The following HMCN1 variants were observed in gnomAD, a reference collection of about 807,000 sequenced individuals.
The protein encoded by HMCN1 is hemicentin 1, also known as hemicentin-1.
Under a neutral mutation model 625.9 loss-of-function variants are expected in HMCN1, and 321 were observed. That is an observed-to-expected ratio of 0.51 (90% CI 0.47 to 0.56). HMCN1 has a LOEUF of 0.56. Ranked by LOEUF, HMCN1 falls within the 20% of genes least tolerant of loss-of-function variation. The probability of loss-of-function intolerance (pLI) is 0.00; values close to 1 mark genes in which losing one functional copy is unlikely to be tolerated. For synonymous variants in HMCN1, 2,425 were observed against 2,417.6 expected, an observed-to-expected ratio of 1.00 and a Z score of -0.09; for missense variants, 6,588 against 6,887.3, an observed-to-expected ratio of 0.96 and a Z score of 1.54.
intron 49 of HMCN1, among the ~76,000 whole-genome samples, chr1:186,065,776 G>A (rs1003873108): frequency 1.3e-5 from 2 of 152,104 alleles, no homozygotes; most frequent in African/African-American, 4.8e-5. Context: ...GTGAGACTTA[G>A]CCATTATTGG....
chr1:186,019,986 G>A (rs2102152817), intron 35 of HMCN1, among the ~76,000 whole-genome samples: 1 of 152,052 alleles, frequency 6.6e-6, no homozygotes, highest in Admixed American at 6.6e-5. Flanking sequence ...GTGTCTCACA[G>A]ATGAATGATG....
Position 185,956,683 on chromosome 1 carries a change from G to A in HMCN1, c.1829-5835G>A, listed in dbSNP as rs183563481. 6.6e-5 allele frequency among the ~76,000 whole-genome samples: 10 copies of A among 151,960 alleles called. No homozygotes were observed. The East Asian group carries it at 1.9e-3, about 29-fold the overall frequency. On this transcript the variant is annotated intron_variant, in intron 11 of 106. Coordinates refer to ENST00000271588, the MANE Select transcript of HMCN1 (RefSeq NM_031935.3). ...CTGTAGACATGATTGATTACATCAC[G>A]GGCCATCAGTGATCATCGCTGCCTT...
chr1:185,836,629 G>C (rs972616020), intron 1 of HMCN1, among the ~76,000 whole-genome samples: 1 of 152,072 alleles, frequency 6.6e-6, no homozygotes, highest in Non-Finnish European at 1.5e-5. Context: ...TTTATCATAA[G>C]GTACTTTTGT....
At chr1:185,851,657 T>G (rs1262809559) in intron 2 of HMCN1, among the ~76,000 whole-genome samples, 1 of 152,128 alleles carries the variant, frequency 6.6e-6, no homozygotes, top group Non-Finnish European at 1.5e-5. Flanking sequence ...GTGCAAAGCC[T>G]TGCTTTGGGA....
chr1:185,826,998 AACCTTGTCTCT>A (rs1660556255), intron 1 of HMCN1, among the ~76,000 whole-genome samples: 1 of 151,930 alleles, frequency 6.6e-6, no homozygotes, highest in African/African-American at 2.4e-5. Context: ...GACACAGTGA[AACCTTGTCTCT>A]ACTAAAAATA....
chr1:185,898,470 CT>C (rs139267865), intron 4 of HMCN1, among the ~76,000 whole-genome samples: 243 of 151,362 alleles, frequency 1.6e-3, no homozygotes, highest in African/African-American at 5.7e-3. Context: ...TGTAAGCAGA[CT>C]TTTTTTTTAA....
At chr1:186,161,026 A>T (rs866622349) in intron 97 of HMCN1, among the ~76,000 whole-genome samples, 1 of 152,168 alleles carries the variant, frequency 6.6e-6, no homozygotes, top group African/African-American at 2.4e-5. Flanking sequence ...GGGGTGTTAA[A>T]GTCTCCCATT....
intron 100 of HMCN1, 27 bp downstream of exon 100, chr1:186,166,969 T>C (rs780636391): frequency 1.9e-6 from 3 of 1,614,002 alleles, no homozygotes; most frequent in South Asian, 1.1e-5. Flanking sequence ...CTTTTCTTTA[T>C]GTTCATGACA....
chr1:185,958,915 C>T (rs550270807), intron 11 of HMCN1, among the ~76,000 whole-genome samples: 4 of 152,136 alleles, frequency 2.6e-5, no homozygotes, highest in Non-Finnish European at 4.4e-5. Flanking sequence ...AGGAAAGCAC[C>T]ACTTTCCTAT....
chr1:185,860,594 G>A (rs532189567), intron 2 of HMCN1, among the ~76,000 whole-genome samples: 10 of 152,220 alleles, frequency 6.6e-5, no homozygotes, highest in Admixed American at 5.2e-4. Flanking sequence ...ACAGGCATGC[G>A]CTACCATGCC....
chr1:186,011,917 T>C lies in HMCN1; in HGVS notation c.4631-3242T>C, dbSNP rs147700347. Among the ~76,000 whole-genome samples the C allele has an allele frequency of 1.4e-4, 22 of 152,320 alleles. No homozygotes were observed. In the East Asian group the frequency reaches 4.2e-3, roughly 29 times the overall value. ...AATAAGAGTGTTTAAGAATGATTCT[T>C]TTCATTCAGAAAGAAGTTCAGTCTC... is the stretch of plus-strand genomic sequence containing the variant. On this transcript the variant is annotated intron_variant, in intron 30 of 106. Transcript: ENST00000271588.
chr1:185,760,842 A>T (rs1214525025), intron 1 of HMCN1, among the ~76,000 whole-genome samples: 1 of 152,170 alleles, frequency 6.6e-6, no homozygotes, highest in Non-Finnish European at 1.5e-5. Flanking sequence ...TTTACAAAGT[A>T]TTACTATTAT....
chr1:185,821,485 C>G (rs1660182866), intron 1 of HMCN1, among the ~76,000 whole-genome samples: 1 of 151,938 alleles, frequency 6.6e-6, no homozygotes, highest in African/African-American at 2.4e-5. Flanking sequence ...TACTGAGTTG[C>G]CAACAGTGAT....
At chr1:186,147,996 A>G (rs1650427988) in intron 93 of HMCN1, among the ~76,000 whole-genome samples, 1 of 152,208 alleles carries the variant, frequency 6.6e-6, no homozygotes, top group Non-Finnish European at 1.5e-5. Context: ...TGTAGTGGAC[A>G]ATGCTGTTAA....
chr1:186,158,722 G>T (rs1163983468), intron 97 of HMCN1, among the ~76,000 whole-genome samples: 1 of 152,174 alleles, frequency 6.6e-6, no homozygotes, highest in African/African-American at 2.4e-5. Context: ...TTTCTGGGAG[G>T]TTTGTCAAAG....
intron 3 of HMCN1, among the ~76,000 whole-genome samples, chr1:185,865,263 A>G (rs1247915897): frequency 6.6e-6 from 1 of 152,204 alleles, no homozygotes; most frequent in African/African-American, 2.4e-5. Context: ...ATGGAAATAC[A>G]CAAGCCCTCT....
At position 186,018,338 on chromosome 1, in the gene HMCN1, A is replaced by T; in HGVS notation, c.5456A>T (p.Glu1819Val). The T allele has an allele frequency of 6.2e-7, 1 of 1,612,766 alleles. No homozygotes were observed. Among genetic ancestry groups the T allele is most frequent in the Non-Finnish European group, 8.5e-7 (1 of 1,178,984 alleles). Residue 1819 changes from glutamate to valine, a missense_variant, in exon 34 of 107, where the codon GAA (glutamate) becomes GTA (valine). Transcript: ENST00000271588. ...GCTGGAGACCACAAGAAGGAATTTG[A>T]AGTGACTGTTCATGGTATGCTGAAG... is the stretch of plus-strand genomic sequence containing the variant. ...NTAGDHKKEFEVTVHVPPTIK... is the reference protein window; with the variant it reads ...NTAGDHKKEFVVTVHVPPTIK...
chr1:185,846,809 CT>C (rs1447997217), intron 2 of HMCN1, among the ~76,000 whole-genome samples: 3 of 152,196 alleles, frequency 2.0e-5, no homozygotes, highest in Non-Finnish European at 2.9e-5. Flanking sequence ...TTCTGAGTGA[CT>C]TCAACATTTA....
chr1:186,080,711 G>A (rs1378737987), intron 55 of HMCN1, among the ~76,000 whole-genome samples: 1 of 152,124 alleles, frequency 6.6e-6, no homozygotes, highest in Non-Finnish European at 1.5e-5. Flanking sequence ...GATACCACTG[G>A]TGCTGAGGCT....
Sources: gnomAD v4.1 joint callset for allele counts (sites outside exome capture counted in the v4.1 genomes callset) on GRCh38, gnomAD v4.1.1 for gene constraint, MANE v1.5 for transcripts, NCBI Gene and HGNC (gene_info 2026-07-23, HGNC 2026-07-21) for gene names.